The following ABCC8 variants were observed in gnomAD, a reference collection of about 807,000 sequenced individuals.
ABCC8 encodes ATP binding cassette subfamily C member 8.
A neutral mutation model predicts 188.0 loss-of-function variants in ABCC8; 137 were observed. The observed-to-expected ratio is 0.73, with a 90% CI of 0.63 to 0.84. The LOEUF is 0.84. Among genes scored for constraint, ABCC8 ranks in the 40% least tolerant of loss-of-function variants. ABCC8 has a pLI of 0.00. For missense variants in ABCC8, 1,750 were observed against 2,072.7 expected (o/e 0.84, Z 3.02); for synonymous variants, 797 against 846.5 (o/e 0.94, Z 1.01).
chr11:17,469,637 C>A (rs866696310), intron 3 of ABCC8, among the ~76,000 whole-genome samples: 3 of 152,110 alleles, frequency 2.0e-5, no homozygotes, highest in Admixed American at 2.0e-4. Flanking sequence ...GACTCTTGCT[C>A]GCTCCTCTCC....
intron 16 of ABCC8, among the ~76,000 whole-genome samples, chr11:17,426,306 T>C (rs1293337507): frequency 3.3e-5 from 5 of 152,196 alleles, no homozygotes; most frequent in Admixed American, 6.5e-5. Context: ...CCACCAACAG[T>C]GTAAAAGCGT....
chr11:17,405,365 C>A, intron 27 of ABCC8, 129 bp downstream of exon 27: 2 of 1,432,430 alleles, frequency 1.4e-6, no homozygotes. Context: ...ATAATCGGAT[C>A]GGGGACACTG....
At chr11:17,461,543 G>A in intron 5 of ABCC8, 40 bp downstream of exon 5, 1 of 1,613,478 alleles carries the variant, frequency 6.2e-7, no homozygotes, top group Admixed American at 1.7e-5. Context: ...CCCTAAACCA[G>A]AAGGCAGTGA....
At chr11:17,430,637 G>A in intron 12 of ABCC8, 177 bp downstream of exon 12, 1 of 773,194 alleles carries the variant, frequency 1.3e-6, no homozygotes, top group Non-Finnish European at 2.3e-6. Flanking sequence ...GGGATGGCGA[G>A]CTGGGAAACC....
intron 7 of ABCC8, among the ~76,000 whole-genome samples, chr11:17,451,213 C>T (rs1358153058): frequency 6.6e-6 from 1 of 152,144 alleles, no homozygotes; most frequent in African/African-American, 2.4e-5. Flanking sequence ...GTGGCTGTTG[C>T]TTGTGGTGGT....
At chr11:17,461,533 C>T (rs1957186317) in intron 5 of ABCC8, 50 bp downstream of exon 5, 5 of 1,612,010 alleles carry the variant, frequency 3.1e-6, no homozygotes, top group Non-Finnish European at 4.2e-6. Flanking sequence ...CTCTCTGTGA[C>T]CCTAAACCAG....
rs764061755 is a variant in ABCC8, at chr11:17,395,925, C to G, written c.4125G>C (p.Gly1375=). ...NALIAPGQKI[G]ICGRTGSGKS... ...TCCCACTGCCGGTGCGGCCGCAGAT[C>G]CCGATCTGGAAAGAGAGAAGCAGGC... The change falls in exon 34 of 39, where the codon GGG becomes GGC. Residue 1375 remains glycine, a synonymous_variant. Coordinates refer to ENST00000389817, the MANE Select transcript of ABCC8 (RefSeq NM_000352.6). 2 of 1,580,106 alleles carry G rather than the reference C, an allele frequency of 1.3e-6. No homozygotes were observed. The highest frequency in any genetic ancestry group is 2.3e-5 in the South Asian group (2 of 86,526).
intron 6 of ABCC8, among the ~76,000 whole-genome samples, chr11:17,453,797 A>G (rs1956898425): frequency 6.6e-6 from 1 of 152,212 alleles, no homozygotes. Context: ...ATGAGAGCTC[A>G]TCACTTACAA....
chr11:17,436,240 AG>A, intron 10 of ABCC8: 1 of 545,786 alleles, frequency 1.8e-6, no homozygotes, highest in South Asian at 1.8e-5. Context: ...GTCTCTCTGA[AG>A]ATCATCTTTT....
chr11:17,402,695 T>A lies in ABCC8; in HGVS notation c.3616A>T (p.Thr1206Ser). The A allele has an allele frequency of 6.2e-7, 1 of 1,614,210 alleles. No homozygotes were observed. Among genetic ancestry groups the A allele is most frequent in the Non-Finnish European group, 8.5e-7 (1 of 1,180,036 alleles). Residue 1206 changes from threonine to serine, a missense_variant, in exon 29 of 39, where the codon ACC (threonine) becomes TCC (serine). By Grantham distance (58) the Thr-to-Ser change is moderately conservative (BLOSUM62 1). Coordinates refer to ENST00000389817, the MANE Select transcript of ABCC8 (RefSeq NM_000352.6). ...QLPLLSHFAETVEGLTTIRAF... is the reference protein window; with the variant it reads ...QLPLLSHFAESVEGLTTIRAF... ...CGGATGGTGGTGAGTCCTTCTACGG[T>A]TTCGGCAAAGTGTGAGAGAAGTGGA...
Position 17,402,592 on chromosome 11 carries a change from A to G in ABCC8, c.3650+69T>C, listed in dbSNP as rs535765378. On this transcript the variant is annotated intron_variant, in intron 29 of 38. Transcript: ENST00000389817. Reference sequence around the variant, plus strand: ...TCCCAAGTGGAGTCCTGAGAATCAAATCTCATGGCCTGTGCCCCCTGGCCC... The same window carrying G: ...TCCCAAGTGGAGTCCTGAGAATCAAGTCTCATGGCCTGTGCCCCCTGGCCC... 6.2e-6 allele frequency: 10 copies of G among 1,613,822 alleles called. No homozygotes were observed. The Admixed American group carries it at 6.7e-5, about 11-fold the overall frequency.
At chr11:17,432,899 C>T (rs1466184143) in intron 10 of ABCC8, among the ~76,000 whole-genome samples, 1 of 152,152 alleles carries the variant, frequency 6.6e-6, no homozygotes, top group African/African-American at 2.4e-5. Flanking sequence ...AGGGCAGAAT[C>T]CCTGCTACTT....
intron 1 of ABCC8, among the ~76,000 whole-genome samples, chr11:17,475,959 G>A (rs762000230): frequency 6.6e-6 from 1 of 152,208 alleles, no homozygotes; most frequent in African/African-American, 2.4e-5. Context: ...TGCAAGCAAG[G>A]GCGCCGGGGT....
chr11:17,401,369 C>A (rs190783762), intron 29 of ABCC8, among the ~76,000 whole-genome samples: 3 of 152,178 alleles, frequency 2.0e-5, no homozygotes, highest in Non-Finnish European at 4.4e-5. Context: ...CAGGGAGCAG[C>A]GCCAAGGCCA....
intron 6 of ABCC8, among the ~76,000 whole-genome samples, chr11:17,455,277 C>A (rs1231198928): frequency 2.0e-5 from 3 of 152,146 alleles, no homozygotes; most frequent in African/African-American, 7.2e-5. Context: ...GAATGCCACA[C>A]ACACGCTGTG....
chr11:17,428,514 TGG>T, intron 13 of ABCC8, 49 bp downstream of exon 13: 1 of 1,609,600 alleles, frequency 6.2e-7, no homozygotes, highest in Non-Finnish European at 8.5e-7. Flanking sequence ...GCCCAAGTTT[TGG>T]GCCTTAGAGG....
Position 17,428,545 on chromosome 11 carries a change from A to C in ABCC8, c.1923+20T>G, listed in dbSNP as rs759524204. ...TTAGAGGACCATGCTGGGAGTAGCA[A>C]GGGGAGGCCGGGCACTCACCACCGC... On this transcript the variant is annotated intron_variant, in intron 13 of 38. Coordinates refer to ENST00000389817, the MANE Select transcript of ABCC8 (RefSeq NM_000352.6). 1.9e-6 allele frequency: 3 copies of C among 1,613,770 alleles called. No homozygotes were observed. In the South Asian group the frequency reaches 3.3e-5, roughly 18 times the overall value.
chr11:17,417,450 A>G (rs1955137330), intron 16 of ABCC8, among the ~76,000 whole-genome samples: 1 of 152,210 alleles, frequency 6.6e-6, no homozygotes, highest in African/African-American at 2.4e-5. Context: ...TCTCTTGTTT[A>G]TAAATGCATA....
At chr11:17,460,766 T>C in intron 5 of ABCC8, 90 bp from the exon 6 acceptor site, 6 of 1,576,732 alleles carry the variant, frequency 3.8e-6, no homozygotes, top group Non-Finnish European at 5.1e-6. Flanking sequence ...GCTCCTGTTG[T>C]CTGGGGAAAC....
Sources: allele counts gnomAD v4.1 joint callset (sites outside exome capture counted in the v4.1 genomes callset), GRCh38; gene constraint gnomAD v4.1.1; transcripts MANE v1.5; gene names NCBI Gene and HGNC (gene_info 2026-07-23, HGNC 2026-07-21).